MAML3: variants seen among roughly 807,000 people sequenced by gnomAD.
MAML3 encodes mastermind-like protein 3.
Under a neutral mutation model 101.9 loss-of-function variants are expected in MAML3, and 27 were observed. The observed-to-expected ratio is 0.27, with a 90% CI of 0.20 to 0.37. The LOEUF is 0.37. Among genes scored for constraint, MAML3 ranks in the 10% least tolerant of loss-of-function variants. MAML3 has a pLI of 1.00. For synonymous variants in MAML3, 501 were observed against 555.9 expected, an observed-to-expected ratio of 0.90 and a Z score of 1.39; for missense variants, 1,316 against 1,444.9, an observed-to-expected ratio of 0.91 and a Z score of 1.45.
chr4:139,860,715 GCTATGTATACATATAC>G (rs547570058), intron 2 of MAML3, among the ~76,000 whole-genome samples: 4 of 152,192 alleles, frequency 2.6e-5, no homozygotes, highest in South Asian at 4.1e-4. Context: ...TTTGGATAAA[GCTATGTATACATATAC>G]CTATGTATAC....
At chr4:139,746,270 TA>T (rs573442541) in intron 2 of MAML3, among the ~76,000 whole-genome samples, 70 of 152,314 alleles carry the variant, frequency 4.6e-4, no homozygotes, top group East Asian at 2.5e-3. Flanking sequence ...CTAGAGATGG[TA>T]ATAAGAATAA....
At chr4:139,885,570 TAG>T (rs1309194728) in intron 2 of MAML3, among the ~76,000 whole-genome samples, 1 of 151,628 alleles carries the variant, frequency 6.6e-6, no homozygotes, top group Non-Finnish European at 1.5e-5. Flanking sequence ...AGAAGAAAAT[TAG>T]AGACAATCTG....
Position 139,890,459 on chromosome 4 carries a change from T to C in MAML3, c.977A>G (p.Gln326Arg), listed in dbSNP as rs1290913656. 1 of 1,613,810 alleles carries C rather than the reference T, an allele frequency of 6.2e-7. No homozygotes were observed. The highest frequency in any genetic ancestry group is 1.7e-5 in the Admixed American group (1 of 60,022). Residue 326 changes from glutamine to arginine, a missense_variant, in exon 2 of 5, where the codon CAG becomes CGG. Coordinates refer to ENST00000509479, the MANE Select transcript of MAML3 (RefSeq NM_018717.5). The surrounding 1 kb of genome is among the most constrained non-coding windows in gnomAD (Gnocchi z 4.1). ...TTCAAAGTCTTCGTTGAACAGGTCC[T>C]GTATGTCATCCTCAGGAACCGTGTT... ...LANTVPEDDIQDLFNEDFEEK... is the reference protein window; with the variant it reads ...LANTVPEDDIRDLFNEDFEEK...
intron 1 of MAML3, among the ~76,000 whole-genome samples, chr4:140,092,119 C>CA (rs1728070113): frequency 8.2e-6 from 1 of 121,874 alleles, no homozygotes; most frequent in Non-Finnish European, 1.7e-5. Flanking sequence ...TATATATATA[C>CA]GTATATATAT....
intron 1 of MAML3, among the ~76,000 whole-genome samples, chr4:139,920,780 C>T (rs1488364491): frequency 6.6e-6 from 1 of 152,164 alleles, no homozygotes; most frequent in Non-Finnish European, 1.5e-5. Context: ...GCCCCAGTCC[C>T]GGCACTGGAG....
rs1300078064 is a variant in MAML3 at position 139,754,427 on chromosome 4, A to C, written c.2080-23760T>G. On this transcript the variant is annotated intron_variant, in intron 2 of 4. Transcript: ENST00000509479. Reference sequence around the variant, plus strand: ...ATTTCCAACCAAAACATTCATTCAAACAAGACAAGGATCATAGCTGCATGT... The same window carrying C: ...ATTTCCAACCAAAACATTCATTCAACCAAGACAAGGATCATAGCTGCATGT... 2.0e-5 allele frequency among the ~76,000 whole-genome samples: 3 copies of C among 152,230 alleles called. No individual in the cohort carries two copies. The East Asian group carries it at 5.8e-4, about 29-fold the overall frequency.
intron 2 of MAML3, among the ~76,000 whole-genome samples, chr4:139,824,436 C>T (rs61401405): frequency 0.016 from 2,380 of 152,256 alleles, 61 homozygotes; most frequent in African/African-American, 0.054. Flanking sequence ...ATTAGGGTAA[C>T]TATATAATTT....
chr4:139,809,740 G>A (rs182622693), intron 2 of MAML3, among the ~76,000 whole-genome samples: 5 of 152,256 alleles, frequency 3.3e-5, no homozygotes, highest in Admixed American at 3.3e-4. Flanking sequence ...AGGCTTGGCT[G>A]GCCATAACCC....
chr4:139,995,044 CG>C (rs1465831624), intron 1 of MAML3, among the ~76,000 whole-genome samples: 1 of 151,968 alleles, frequency 6.6e-6, no homozygotes, highest in African/African-American at 2.4e-5. Context: ...TGTCCTTTAT[CG>C]GGATGAGGAA....
At chr4:139,904,608 T>C (rs1466939749) in intron 1 of MAML3, among the ~76,000 whole-genome samples, 2 of 152,194 alleles carry the variant, frequency 1.3e-5, no homozygotes, top group African/African-American at 4.8e-5. Flanking sequence ...CCCGAGAACT[T>C]AAGCATTCAT....
chr4:139,923,474 A>G (rs1405906941), intron 1 of MAML3, among the ~76,000 whole-genome samples: 1 of 152,248 alleles, frequency 6.6e-6, no homozygotes, highest in South Asian at 2.1e-4. Context: ...TTCATGGAAC[A>G]GCCTCATTAT....
chr4:140,034,068 T>C (rs916573526), intron 1 of MAML3, among the ~76,000 whole-genome samples: 1 of 152,188 alleles, frequency 6.6e-6, no homozygotes, highest in Non-Finnish European at 1.5e-5. Flanking sequence ...AACAACAGCT[T>C]TGTATAGCAA....
intron 1 of MAML3, among the ~76,000 whole-genome samples, chr4:140,138,823 C>A (rs916468134): frequency 1.3e-5 from 2 of 152,176 alleles, no homozygotes; most frequent in Non-Finnish European, 2.9e-5. Context: ...TCCTGAAGCC[C>A]AAACTCAAGA....
chr4:140,028,454 CCTT>C (rs373514787), intron 1 of MAML3, among the ~76,000 whole-genome samples: 4 of 152,176 alleles, frequency 2.6e-5, no homozygotes, highest in African/African-American at 7.2e-5. Flanking sequence ...CCATCTCTCT[CCTT>C]CTCTCTCTCT....
At chr4:139,820,668 T>C (rs959259764) in intron 2 of MAML3, among the ~76,000 whole-genome samples, 3 of 152,214 alleles carry the variant, frequency 2.0e-5, no homozygotes, top group East Asian at 1.9e-4. Context: ...TTTTCACTTA[T>C]TACAGCGTGG....
At chr4:139,992,142 A>G (rs1308933801) in intron 1 of MAML3, among the ~76,000 whole-genome samples, 1 of 152,176 alleles carries the variant, frequency 6.6e-6, no homozygotes, top group Non-Finnish European at 1.5e-5. Context: ...TTTAACTAGC[A>G]TAATTTTGGG....
intron 1 of MAML3, among the ~76,000 whole-genome samples, chr4:140,024,789 C>G (rs1457136116): frequency 6.6e-6 from 1 of 152,192 alleles, no homozygotes; most frequent in Non-Finnish European, 1.5e-5. Flanking sequence ...CTGACTTACA[C>G]TATGAAAAAC....
intron 1 of MAML3, among the ~76,000 whole-genome samples, chr4:139,985,251 T>C (rs1044565093): frequency 6.6e-6 from 1 of 152,210 alleles, no homozygotes; most frequent in Non-Finnish European, 1.5e-5. Context: ...AAGTTGATCT[T>C]TCTTACAGGC....
chr4:140,090,889 T>C (rs1728033864), intron 1 of MAML3, among the ~76,000 whole-genome samples: 1 of 152,004 alleles, frequency 6.6e-6, no homozygotes, highest in African/African-American at 2.4e-5. Context: ...CGTCTCTACT[T>C]AAATACAAAA....
Sources: allele counts gnomAD v4.1 joint callset (sites outside exome capture counted in the v4.1 genomes callset), GRCh38; gene constraint gnomAD v4.1.1; non-coding constraint Gnocchi (gnomAD v3.1); transcripts MANE v1.5; gene names NCBI Gene and HGNC (gene_info 2026-07-23, HGNC 2026-07-21).